Variants in SIK2 observed in about 807,000 individuals in gnomAD.
SIK2 encodes the protein salt inducible kinase 2.
Under a neutral mutation model 103.2 loss-of-function variants are expected in SIK2, and 29 were observed. The ratio of observed to expected loss-of-function variants is 0.28; its 90% CI spans 0.21 to 0.38. The LOEUF is 0.38. Ranked by LOEUF, SIK2 falls within the 10% of genes least tolerant of loss-of-function variation. SIK2 has a pLI of 1.00. For synonymous variants in SIK2, 412 were observed against 446.1 expected (o/e 0.92, Z 0.96); for missense variants, 879 against 1,171.0 (o/e 0.75, Z 3.64).
intron 3 of SIK2, among the ~76,000 whole-genome samples, chr11:111,643,407 T>C (rs1285430109): frequency 6.6e-6 from 1 of 152,024 alleles, no homozygotes; most frequent in Non-Finnish European, 1.5e-5. Context: ...CAAACCACCA[T>C]GGCACACGTA....
intron 3 of SIK2, among the ~76,000 whole-genome samples, chr11:111,624,075 G>A (rs1365742879): frequency 4.6e-5 from 7 of 152,172 alleles, no homozygotes; most frequent in African/African-American, 7.2e-5. Context: ...TGTTGAAGAT[G>A]GGAAGGTTGT....
chr11:111,614,256 A>T (rs1019298315), intron 1 of SIK2, among the ~76,000 whole-genome samples: 8 of 151,816 alleles, frequency 5.3e-5, no homozygotes, highest in African/African-American at 1.9e-4. Context: ...GCTAATTTTT[A>T]TGTTTTTAGT....
rs181524726 is a variant in SIK2 at position 111,637,168 on chromosome 11, G to C, written c.316+16766G>C. Among the ~76,000 whole-genome samples, 64 of 150,360 alleles carry C rather than the reference G, an allele frequency of 4.3e-4. No individual in the cohort carries two copies. The East Asian group carries it at 0.011, about 26-fold the overall frequency. Reference sequence around the variant, plus strand: ...CTATTTACCATGTCTTTGTCTTGTTGTTCTGCTTCCTGAGGGATTTCATAA... The same window carrying C: ...CTATTTACCATGTCTTTGTCTTGTTCTTCTGCTTCCTGAGGGATTTCATAA... On this transcript the variant is annotated intron_variant, in intron 3 of 14. Coordinates refer to ENST00000304987, the MANE Select transcript of SIK2 (RefSeq NM_015191.3).
At position 111,688,250 on chromosome 11, in the gene SIK2, C is replaced by A; in HGVS notation, c.478+88C>A. 1 of 1,337,138 alleles carries A rather than the reference C, an allele frequency of 7.5e-7. No homozygotes were observed. The highest frequency in any genetic ancestry group is 1.1e-6 in the Non-Finnish European group (1 of 943,568). The allele number at this position is 1,337,138 out of a possible 1,614,324, so 82.8% of individuals were successfully genotyped here. On this transcript the variant is annotated intron_variant, in intron 4 of 14. Transcript: ENST00000304987. The surrounding 1 kb of genome is among the most constrained non-coding windows in gnomAD (Gnocchi z 4.2). ...AACAGACCTGCAGGCGCAGATTCAG[C>A]AGCATTTCTACCTGATGACATCAGG... is the stretch of plus-strand genomic sequence containing the variant.
intron 3 of SIK2, among the ~76,000 whole-genome samples, chr11:111,642,621 G>T: frequency 6.6e-6 from 1 of 152,060 alleles, no homozygotes; most frequent in Non-Finnish European, 1.5e-5. Flanking sequence ...TCATTACATA[G>T]GCATGATTGA....
At chr11:111,678,300 T>C (rs1370436770) in intron 3 of SIK2, among the ~76,000 whole-genome samples, 1 of 152,226 alleles carries the variant, frequency 6.6e-6, no homozygotes, top group African/African-American at 2.4e-5. Context: ...TCCTTATTCA[T>C]TGTCTTTTTC....
In SIK2 at chr11:111,668,486, T is replaced by C. The variant is rs142110526; in HGVS notation, c.317-19515T>C. 8.2e-3 allele frequency among the ~76,000 whole-genome samples: 1,244 copies of C among 152,344 alleles called. 11 individuals carry two copies. Among genetic ancestry groups the C allele is most frequent in the Non-Finnish European group, 0.014 (947 of 68,014 alleles). Reference sequence around the variant, plus strand: ...TAAGGTTTGGTTTTGGTAGTCACCATTGATAAATTTGAGTACACACCTTAG... The same window carrying C: ...TAAGGTTTGGTTTTGGTAGTCACCACTGATAAATTTGAGTACACACCTTAG... On this transcript the variant is annotated intron_variant, in intron 3 of 14. Coordinates refer to ENST00000304987, the MANE Select transcript of SIK2 (RefSeq NM_015191.3).
intron 8 of SIK2, among the ~76,000 whole-genome samples, chr11:111,711,486 G>A (rs1369331648): frequency 6.6e-6 from 1 of 152,204 alleles, no homozygotes; most frequent in East Asian, 1.9e-4. Context: ...CAAACGAGAC[G>A]TGAGAACAGA....
chr11:111,709,018 T>C (rs1943425027), intron 8 of SIK2, among the ~76,000 whole-genome samples: 1 of 152,236 alleles, frequency 6.6e-6, no homozygotes, highest in South Asian at 2.1e-4. Context: ...GAGGTTGCCC[T>C]TCACAACAGG....
At position 111,726,669 on chromosome 11, in the gene SIK2, G is replaced by T; in HGVS notation, c.*2540G>T. The T allele has an allele frequency of 2.4e-6, 1 of 408,950 alleles. No individual in the cohort carries two copies. The allele number at this position is 408,950 out of a possible 1,614,324, so 25.3% of individuals were successfully genotyped here. ...CTGTGCTGCTCTGTCCCTAACTAGT[G>T]ACCCATGGAAGCTTCCAAGCAGTTT... On this transcript the variant is annotated 3_prime_UTR_variant, in exon 15 of 15. Coordinates refer to ENST00000304987, the MANE Select transcript of SIK2 (RefSeq NM_015191.3).
Position 111,695,610 on chromosome 11 carries a change from C to G in SIK2, c.479-5276C>G, listed in dbSNP as rs369029972. Among the ~76,000 whole-genome samples, 43 of 152,286 alleles carry G rather than the reference C, an allele frequency of 2.8e-4. No homozygotes were observed. In the East Asian group the frequency reaches 8.1e-3, roughly 29 times the overall value. On this transcript the variant is annotated intron_variant, in intron 4 of 14. Coordinates refer to ENST00000304987, the MANE Select transcript of SIK2 (RefSeq NM_015191.3). ...GGCTAGTCAAAAAGTGGTCTGGAGA[C>G]CAGCAGCATGAGCATCACATCAGAG...
intron 2 of SIK2, among the ~76,000 whole-genome samples, chr11:111,619,011 CA>C (rs1220856159): frequency 1.3e-5 from 2 of 152,202 alleles, no homozygotes; most frequent in African/African-American, 4.8e-5. Context: ...GCTGGGATTA[CA>C]GGAATGAGCC....
intron 1 of SIK2, among the ~76,000 whole-genome samples, chr11:111,607,682 G>A (rs1474328622): frequency 6.6e-6 from 1 of 152,022 alleles, no homozygotes; most frequent in African/African-American, 2.4e-5. Context: ...TATTTGTCAT[G>A]GAATATATAT....
chr11:111,723,630 CT>C lies in SIK2; in HGVS notation c.2284del (p.Ser762LeufsTer9). 1 of 1,613,772 alleles carries C rather than the reference CT, an allele frequency of 6.2e-7. No individual in the cohort carries two copies. On this transcript the variant is annotated frameshift_variant, in exon 15 of 15. Coordinates refer to ENST00000304987, the MANE Select transcript of SIK2 (RefSeq NM_015191.3). LOFTEE classifies it high-confidence loss of function. ...LPLPRQETPP[P>X]SQQAPPFSLT... Reference sequence around the variant, plus strand: ...CTTCCCCGCCAGGAGACTCCACCGCCTTCTCAGCAGGCCCCACCGTTCAGCC... The same window carrying C: ...CTTCCCCGCCAGGAGACTCCACCGCCTCTCAGCAGGCCCCACCGTTCAGCC...
At position 111,723,912 on chromosome 11, in the gene SIK2, C is replaced by T; in HGVS notation, c.2564C>T (p.Ala855Val). 3 of 1,613,788 alleles carry T rather than the reference C, an allele frequency of 1.9e-6. No homozygotes were observed. The highest frequency in any genetic ancestry group is 2.5e-6 in the Non-Finnish European group (3 of 1,179,880). ...SYQTCELPSA[A>V]SPAPDYPTPC... The stretch of plus-strand genomic sequence containing the variant: ...CAGACTTGTGAGCTGCCAAGCGCTG[C>T]TTCCCCTGCGCCAGACTATCCCACT... The change falls in exon 15 of 15, where the codon GCT (alanine) becomes GTT (valine). Residue 855 changes from alanine to valine, a missense_variant. Ala to Val is a moderately conservative substitution (Grantham distance 64). Around this residue, in one of 7 missense-constraint regions of SIK2, gnomAD observed 375 missense variants for 416.3 expected, o/e 0.90. Coordinates refer to ENST00000304987, the MANE Select transcript of SIK2 (RefSeq NM_015191.3).
chr11:111,611,086 ATGTGTGTG>A (rs113893092), intron 1 of SIK2, among the ~76,000 whole-genome samples: 3 of 89,690 alleles, frequency 3.3e-5, no homozygotes, highest in Non-Finnish European at 5.5e-5. Context: ...TCTCGACCAA[ATGTGTGTG>A]TGTGTGTGTG....
At chr11:111,634,466 C>G (rs1453925075) in intron 3 of SIK2, among the ~76,000 whole-genome samples, 2 of 151,444 alleles carry the variant, frequency 1.3e-5, no homozygotes, top group Admixed American at 6.6e-5. Flanking sequence ...TTTTTTTCCA[C>G]TTATTATTAA....
At position 111,719,958 on chromosome 11, in the gene SIK2, ACT is replaced by A. The variant is rs1943752682; in HGVS notation, c.1453_1454del (p.Leu485ValfsTer21). The stretch of plus-strand genomic sequence containing the variant: ...CACACGCAGCGGGCAGAGACGGCAC[ACT>A]CTGTCAGAAGTGACCAATCAACTGG... Reference protein sequence around the residue: ...QSTRSGQRRHTLSEVTNQLVV... With the variant: ...QSTRSGQRRHXLSEVTNQLVV... On this transcript the variant is annotated frameshift_variant, in exon 10 of 15. Transcript: ENST00000304987. LOFTEE classifies it high-confidence loss of function. The A allele has an allele frequency of 1.2e-6, 2 of 1,613,918 alleles. No individual in the cohort carries two copies. Among genetic ancestry groups the A allele is most frequent in the Non-Finnish European group, 1.7e-6 (2 of 1,179,982 alleles).
intron 3 of SIK2, among the ~76,000 whole-genome samples, chr11:111,642,187 G>T (rs1221276711): frequency 6.6e-6 from 1 of 152,120 alleles, no homozygotes; most frequent in Non-Finnish European, 1.5e-5. Flanking sequence ...CCAACTGAGT[G>T]TCCTAGAATT....
Sources: gnomAD v4.1 joint callset for allele counts (sites outside exome capture counted in the v4.1 genomes callset) on GRCh38, gnomAD v4.1.1 for gene constraint, gnomAD v4.1.1 regional missense constraint, Gnocchi (gnomAD v3.1) non-coding constraint, MANE v1.5 for transcripts, NCBI Gene and HGNC (gene_info 2026-07-23, HGNC 2026-07-21) for gene names.